The following TENT2 variants were observed in gnomAD, a reference collection of about 807,000 sequenced individuals.
TENT2 encodes terminal nucleotidyltransferase 2.
Under a neutral mutation model 72.2 loss-of-function variants are expected in TENT2, and 44 were observed. The ratio of observed to expected loss-of-function variants is 0.61; its 90% confidence interval spans 0.48 to 0.78. The LOEUF (loss-of-function observed/expected upper bound fraction) is 0.78, where lower values mean the gene tolerates loss of function less well. Ranked by LOEUF, TENT2 falls within the 30% of genes least tolerant of loss-of-function variation. The probability of loss-of-function intolerance (pLI) is 0.00; values close to 1 mark genes in which losing one functional copy is unlikely to be tolerated. For missense variants in TENT2, 541 were observed against 569.6 expected (o/e 0.95, Z 0.51); for synonymous variants, 212 against 192.5 (o/e 1.10, Z -0.84).
At chr5:79,683,923 CAAAAAAAAAAAAAAAAA>C (rs761567083) in intron 14 of TENT2, among the ~76,000 whole-genome samples, 8 of 41,566 alleles carry the variant, frequency 1.9e-4, no homozygotes, top group African/African-American at 4.8e-4. Flanking sequence ...GACTCCGTCT[CAAAAAAAAAAAAAAAAA>C]AAAAAAAAAA....
chr5:79,644,008 A>G (rs1258137368), intron 7 of TENT2, among the ~76,000 whole-genome samples: 18 of 149,576 alleles, frequency 1.2e-4, no homozygotes, highest in Non-Finnish European at 2.2e-4. Context: ...TTTGAGACAG[A>G]GTCTCGCTCT....
chr5:79,658,397 C>G (rs1325873807), intron 11 of TENT2, among the ~76,000 whole-genome samples: 1 of 150,190 alleles, frequency 6.7e-6, no homozygotes, highest in Non-Finnish European at 1.5e-5. Flanking sequence ...TGCTGTGATG[C>G]CCAGTTTGGT....
intron 12 of TENT2, among the ~76,000 whole-genome samples, chr5:79,670,618 C>T (rs539248725): frequency 4.5e-4 from 68 of 151,800 alleles, no homozygotes; most frequent in African/African-American, 1.5e-3. Context: ...CCACCGTGCT[C>T]GGCCACGGAG....
At chr5:79,681,285 G>A (rs745432990) in intron 13 of TENT2, among the ~76,000 whole-genome samples, 2 of 144,416 alleles carry the variant, frequency 1.4e-5, no homozygotes, top group Admixed American at 7.3e-5. Flanking sequence ...TCAGCCTCCC[G>A]AGTAGCTGGG....
Position 79,682,009 on chromosome 5 carries a change from G to A in TENT2, c.1328G>A (p.Arg443Lys). Residue 443 changes from arginine (R) to lysine (K), a missense_variant, in exon 14 of 15, where the codon AGA becomes AAA. Transcript: ENST00000453514. ...EEPFDGTNTA[R>K]AVHEKQKFDM... ...CCTTTTGATGGAACAAATACAGCCA[G>A]AGCAGTGCACGAAAAGCAGAAATTT... 6.2e-7 allele frequency: 1 copy of A among 1,613,586 alleles called. No individual in the cohort carries two copies. The highest frequency in any genetic ancestry group is 8.5e-7 in the Non-Finnish European group (1 of 1,179,798).
At chr5:79,627,391 A>G (rs533494386) in intron 4 of TENT2, among the ~76,000 whole-genome samples, 1 of 152,232 alleles carries the variant, frequency 6.6e-6, no homozygotes, top group African/African-American at 2.4e-5. Context: ...TATCGATAAC[A>G]TTTTAAAATT....
At chr5:79,668,049 T>C (rs1809866155) in intron 11 of TENT2, among the ~76,000 whole-genome samples, 1 of 152,032 alleles carries the variant, frequency 6.6e-6, no homozygotes. Context: ...TTCTAATTGA[T>C]GTATATAAAT....
intron 1 of TENT2, among the ~76,000 whole-genome samples, chr5:79,614,378 C>G (rs1321118741): frequency 6.6e-6 from 1 of 152,172 alleles, no homozygotes; most frequent in Non-Finnish European, 1.5e-5. Flanking sequence ...GCTGGGATTA[C>G]AGGCGTGAGC....
At chr5:79,670,960 C>T (rs1185769516) in intron 12 of TENT2, among the ~76,000 whole-genome samples, 2 of 150,540 alleles carry the variant, frequency 1.3e-5, no homozygotes, top group Non-Finnish European at 2.9e-5. Flanking sequence ...ACTGTATTGA[C>T]ATTGTTTATT....
intron 8 of TENT2, among the ~76,000 whole-genome samples, chr5:79,645,855 A>G (rs967912338): frequency 4.7e-5 from 7 of 150,502 alleles, no homozygotes; most frequent in African/African-American, 1.7e-4. Flanking sequence ...ACACACACAC[A>G]CACACATTGT....
chr5:79,640,848 A>G lies in TENT2; in HGVS notation c.466-3A>G, dbSNP rs1400186217. 1 of 1,589,692 alleles carries G rather than the reference A, an allele frequency of 6.3e-7. No individual in the cohort carries two copies. ...TTTTACTTTTTTTTGCGGTGGATTCAAGTTGAGTCAGCAGATACTGGAGTT... is the reference window on the plus strand; with the variant it reads ...TTTTACTTTTTTTTGCGGTGGATTCGAGTTGAGTCAGCAGATACTGGAGTT... On this transcript the variant is annotated splice_region_variant and splice_polypyrimidine_tract_variant and intron_variant, in intron 4 of 14. Transcript: ENST00000453514.
chr5:79,645,281 T>A, intron 8 of TENT2, 89 bp downstream of exon 8: 1 of 1,008,470 alleles, frequency 9.9e-7, no homozygotes, highest in South Asian at 1.7e-5. Flanking sequence ...GTGTATGTTG[T>A]AGCATTACAG....
intron 4 of TENT2, among the ~76,000 whole-genome samples, chr5:79,637,798 C>CTTTT (rs60911107): frequency 4.9e-5 from 6 of 122,406 alleles, no homozygotes; most frequent in East Asian, 4.6e-4. Flanking sequence ...TCCTCTTTTG[C>CTTTT]TTTTTTTTTT....
At chr5:79,625,232 C>T (rs1580223924) in intron 4 of TENT2, among the ~76,000 whole-genome samples, 2 of 152,006 alleles carry the variant, frequency 1.3e-5, no homozygotes, top group Admixed American at 1.3e-4. Context: ...GATCTCTTGC[C>T]CATTTTTAAA....
intron 1 of TENT2, 90 bp from the exon 2 acceptor site, chr5:79,619,522 A>G (rs1763078245): frequency 2.1e-6 from 2 of 940,552 alleles, no homozygotes; most frequent in South Asian, 6.6e-5. Flanking sequence ...CTTGATAACT[A>G]ATTGTTTTAA....
intron 11 of TENT2, among the ~76,000 whole-genome samples, chr5:79,663,282 C>T (rs4704572): frequency 2.6e-5 from 4 of 152,066 alleles, no homozygotes; most frequent in South Asian, 2.1e-4. Flanking sequence ...ATCATTGATG[C>T]GTTCACTGGA....
At chr5:79,615,835 C>T (rs1016030626) in intron 1 of TENT2, among the ~76,000 whole-genome samples, 2 of 151,990 alleles carry the variant, frequency 1.3e-5, no homozygotes, top group African/African-American at 4.8e-5. Flanking sequence ...ACCCCAGCCT[C>T]CAGAGTAGCT....
Position 79,664,772 on chromosome 5 carries a change from A to G in TENT2, c.1072-4120A>G, listed in dbSNP as rs1294251270. On this transcript the variant is annotated intron_variant, in intron 11 of 14. Coordinates refer to ENST00000453514, the MANE Select transcript of TENT2 (RefSeq NM_001114394.3). ...CACTGTATTGTATAAATGTGCAATA[A>G]TAATGATATGTGGCATATACTAAAC... is the stretch of plus-strand genomic sequence containing the variant. Among the ~76,000 whole-genome samples the G allele has an allele frequency of 6.6e-5, 10 of 152,160 alleles. 1 individual carries two copies. In the East Asian group the frequency reaches 1.9e-3, roughly 29 times the overall value.
intron 13 of TENT2, among the ~76,000 whole-genome samples, chr5:79,680,685 C>T (rs1246538078): frequency 6.6e-6 from 1 of 152,158 alleles, no homozygotes; most frequent in African/African-American, 2.4e-5. Context: ...CCAACAACTT[C>T]ATTCTTTCTG....
Sources: gnomAD v4.1 joint callset for allele counts (sites outside exome capture counted in the v4.1 genomes callset) on GRCh38, gnomAD v4.1.1 for gene constraint, MANE v1.5 for transcripts, NCBI Gene and HGNC (gene_info 2026-07-23, HGNC 2026-07-21) for gene names.